LRRC4C: variants seen among roughly 807,000 people sequenced by gnomAD.
The protein encoded by LRRC4C is leucine rich repeat containing 4C.
A neutral mutation model predicts 33.6 loss-of-function variants in LRRC4C; 5 were observed. The ratio of observed to expected loss-of-function variants is 0.15; its 90% CI spans 0.08 to 0.31. The LOEUF (loss-of-function observed/expected upper bound fraction) is 0.31. Ranked by LOEUF, LRRC4C falls within the 10% of genes least tolerant of loss-of-function variation. The probability of loss-of-function intolerance (pLI) is 1.00; values close to 1 mark genes in which losing one functional copy is unlikely to be tolerated. For synonymous variants in LRRC4C, 329 were observed against 302.0 expected (o/e 1.09, Z -0.93); for missense variants, 560 against 796.7 (o/e 0.70, Z 3.58).
chr11:41,444,349 T>A (rs1229451792), intron 1 of LRRC4C, among the ~76,000 whole-genome samples: 2 of 152,208 alleles, frequency 1.3e-5, no homozygotes, highest in Non-Finnish European at 2.9e-5. Flanking sequence ...AGCATTTCTG[T>A]TGTATTACAA....
chr11:40,653,786 C>A (rs1159324095), intron 2 of LRRC4C, among the ~76,000 whole-genome samples: 2 of 152,154 alleles, frequency 1.3e-5, no homozygotes, highest in Non-Finnish European at 2.9e-5. Context: ...AAAATATCTC[C>A]AGGGCATGTC....
At chr11:40,341,669 C>G (rs1161768181) in intron 3 of LRRC4C, among the ~76,000 whole-genome samples, 1 of 152,084 alleles carries the variant, frequency 6.6e-6, no homozygotes, top group Non-Finnish European at 1.5e-5. Flanking sequence ...CACATGAACC[C>G]TAAAACTTAA....
intron 1 of LRRC4C, among the ~76,000 whole-genome samples, chr11:40,989,637 T>G (rs1319264351): frequency 1.3e-5 from 2 of 152,154 alleles, no homozygotes; most frequent in Non-Finnish European, 2.9e-5. Flanking sequence ...GCTTACTATT[T>G]TTACTCAGTT....
chr11:40,511,506 G>A (rs1336875871), intron 3 of LRRC4C, among the ~76,000 whole-genome samples: 1 of 152,190 alleles, frequency 6.6e-6, no homozygotes, highest in African/African-American at 2.4e-5. Flanking sequence ...ACTATAAAAT[G>A]GGAGATTTTC....
At chr11:41,305,212 C>T (rs1214371465) in intron 1 of LRRC4C, among the ~76,000 whole-genome samples, 12 of 56,352 alleles carry the variant, frequency 2.1e-4, no homozygotes, top group African/African-American at 5.5e-4. Flanking sequence ...CCAGCCGCCC[C>T]GTCCGGGAGG....
intron 1 of LRRC4C, among the ~76,000 whole-genome samples, chr11:41,374,492 A>T (rs916188101): frequency 2.0e-5 from 3 of 152,208 alleles, no homozygotes; most frequent in African/African-American, 7.2e-5. Flanking sequence ...AAGAAAAAAT[A>T]GTCAAATAAA....
intron 1 of LRRC4C, among the ~76,000 whole-genome samples, chr11:41,449,094 T>C (rs746893540): frequency 6.6e-6 from 1 of 152,176 alleles, no homozygotes; most frequent in Non-Finnish European, 1.5e-5. Context: ...TGGAGTAGGG[T>C]AGCCAATATT....
intron 1 of LRRC4C, among the ~76,000 whole-genome samples, chr11:41,183,999 C>T (rs1032806987): frequency 6.6e-6 from 1 of 152,112 alleles, no homozygotes; most frequent in African/African-American, 2.4e-5. Context: ...ATAACTTGGC[C>T]CCTTTTAGCC....
chr11:40,912,064 A>G (rs1341345222), intron 2 of LRRC4C, among the ~76,000 whole-genome samples: 3 of 152,200 alleles, frequency 2.0e-5, no homozygotes, highest in African/African-American at 7.2e-5. Flanking sequence ...CCAAATCTAC[A>G]TCTGATTAGC....
chr11:40,960,799 T>A (rs1339742469), intron 1 of LRRC4C, among the ~76,000 whole-genome samples: 1 of 151,734 alleles, frequency 6.6e-6, no homozygotes, highest in African/African-American at 2.4e-5. Flanking sequence ...AAGGGGAGTT[T>A]GCCAAAGGCT....
chr11:41,353,975 A>C (rs921087744), intron 1 of LRRC4C, among the ~76,000 whole-genome samples: 1 of 152,150 alleles, frequency 6.6e-6, no homozygotes. Context: ...AAAGACAAGG[A>C]TGCCCACTGT....
chr11:40,716,091 T>C (rs549089435), intron 2 of LRRC4C, among the ~76,000 whole-genome samples: 1 of 151,308 alleles, frequency 6.6e-6, no homozygotes, highest in Admixed American at 6.6e-5. Context: ...AATCATAATA[T>C]ATGATTCTAT....
At chr11:41,169,443 A>C (rs1298909632) in intron 1 of LRRC4C, among the ~76,000 whole-genome samples, 1 of 152,082 alleles carries the variant, frequency 6.6e-6, no homozygotes, top group African/African-American at 2.4e-5. Context: ...ACTCTTCTAG[A>C]TTTTATCACA....
At chr11:40,757,999 T>TGATGACATCTGGAG (rs1183114095) in intron 2 of LRRC4C, among the ~76,000 whole-genome samples, 1 of 152,070 alleles carries the variant, frequency 6.6e-6, no homozygotes, top group Admixed American at 6.6e-5. Context: ...TATGTGCTGA[T>TGATGACATCTGGAG]GATGACATCT....
At chr11:40,623,339 T>A (rs1188077209) in intron 3 of LRRC4C, among the ~76,000 whole-genome samples, 1 of 152,030 alleles carries the variant, frequency 6.6e-6, no homozygotes, top group Non-Finnish European at 1.5e-5. Context: ...AATATTGAGG[T>A]ATATAATTAT....
At chr11:41,036,689 TATAAA>T (rs1791949831) in intron 1 of LRRC4C, among the ~76,000 whole-genome samples, 1 of 152,168 alleles carries the variant, frequency 6.6e-6, no homozygotes, top group African/African-American at 2.4e-5. Context: ...TAAATACAAA[TATAAA>T]ATAATGTCAA....
At chr11:40,502,109 A>C (rs149266863) in intron 3 of LRRC4C, among the ~76,000 whole-genome samples, 1 of 152,152 alleles carries the variant, frequency 6.6e-6, no homozygotes, top group African/African-American at 2.4e-5. Flanking sequence ...CCTTTGCTCT[A>C]GTTCCCAACT....
chr11:40,273,242 A>G (rs892994785), intron 4 of LRRC4C, among the ~76,000 whole-genome samples: 1 of 152,146 alleles, frequency 6.6e-6, no homozygotes, highest in African/African-American at 2.4e-5. Flanking sequence ...AAGATAGAGA[A>G]CAAACATATA....
intron 2 of LRRC4C, among the ~76,000 whole-genome samples, chr11:40,758,308 T>C (rs1949041530): frequency 6.6e-6 from 1 of 152,006 alleles, no homozygotes; most frequent in Admixed American, 6.6e-5. Flanking sequence ...GTCTTTGGGA[T>C]TCTTTGGATT....
Sources: allele counts gnomAD v4.1 joint callset (sites outside exome capture counted in the v4.1 genomes callset), GRCh38; gene constraint gnomAD v4.1.1; transcripts MANE v1.5; gene names NCBI Gene and HGNC (gene_info 2026-07-23, HGNC 2026-07-21).